BLTP3B: variants seen among roughly 807,000 people sequenced by gnomAD.
BLTP3B encodes the protein bridge-like lipid transfer protein family member 3B.
chr12:100,060,259 T>C, the BLTP3B span, among the ~76,000 whole-genome samples: 1 of 152,188 alleles, frequency 6.6e-6, no homozygotes, highest in African/African-American at 2.4e-5. Flanking sequence ...AATGTTTTAA[T>C]ATTTCAAAAT....
chr12:100,056,559 C>A, the BLTP3B span, among the ~76,000 whole-genome samples: 1 of 151,708 alleles, frequency 6.6e-6, no homozygotes, highest in African/African-American at 2.4e-5. Context: ...TAATTCAGGC[C>A]AGGCATGGTG....
At chr12:100,038,028 C>A in the BLTP3B span, among the ~76,000 whole-genome samples, 1 of 152,148 alleles carries the variant, frequency 6.6e-6, no homozygotes, top group Non-Finnish European at 1.5e-5. Flanking sequence ...TTTTCCTGGA[C>A]CTCTCTATGG....
the BLTP3B span, among the ~76,000 whole-genome samples, chr12:100,073,188 C>T: frequency 4.1e-4 from 62 of 152,066 alleles, 1 homozygote; most frequent in Non-Finnish European, 7.5e-4. Flanking sequence ...CTTCCCCGTA[C>T]GCTGTTTAAA....
At chr12:100,120,844 A>C in the BLTP3B span, among the ~76,000 whole-genome samples, 1 of 152,202 alleles carries the variant, frequency 6.6e-6, no homozygotes, top group African/African-American at 2.4e-5. Flanking sequence ...AGATTTATAC[A>C]CGAATGTTCA....
At chr12:100,106,501 T>C in the BLTP3B span, among the ~76,000 whole-genome samples, 8 of 152,148 alleles carry the variant, frequency 5.3e-5, no homozygotes, top group African/African-American at 1.9e-4. Context: ...TGAAGTAACA[T>C]GAATTGAAAA....
chr12:100,140,753 T>TATATATATATATATATATATATAA, the BLTP3B span, among the ~76,000 whole-genome samples: 1 of 106,960 alleles, frequency 9.3e-6, no homozygotes, highest in African/African-American at 3.8e-5. Context: ...TATATATATA[T>TATATATATATATATATATATATAA]AAAATAAAAT....
chr12:100,086,746 C>T, the BLTP3B span, among the ~76,000 whole-genome samples: 1 of 152,186 alleles, frequency 6.6e-6, no homozygotes, highest in South Asian at 2.1e-4. Context: ...TTATCCCCAT[C>T]TTCAAGATAA....
chr12:100,047,356 G>A, the BLTP3B span, among the ~76,000 whole-genome samples: 1 of 152,064 alleles, frequency 6.6e-6, no homozygotes, highest in African/African-American at 2.4e-5. Context: ...AAATTAACTG[G>A]GCGTGTTGAC....
the BLTP3B span, among the ~76,000 whole-genome samples, chr12:100,066,319 C>G: frequency 6.6e-6 from 1 of 152,134 alleles, no homozygotes; most frequent in Admixed American, 6.5e-5. Context: ...CAACAGTAAA[C>G]TATCACAATC....
chr12:100,094,178 G>A, the BLTP3B span, among the ~76,000 whole-genome samples: 2 of 152,150 alleles, frequency 1.3e-5, no homozygotes, highest in Non-Finnish European at 2.9e-5. Context: ...AAGTGCAGGG[G>A]TGCAATGGCT....
the BLTP3B span, chr12:100,058,159 T>A: frequency 1.9e-6 from 3 of 1,613,474 alleles, no homozygotes; most frequent in Non-Finnish European, 2.5e-6. Context: ...ATGGTTTCAT[T>A]TCCTTTACTA....
chr12:100,076,388 C>CTT, the BLTP3B span, among the ~76,000 whole-genome samples: 635 of 110,078 alleles, frequency 5.8e-3, 3 homozygotes, highest in Non-Finnish European at 7.1e-3. Context: ...CCTCAGCAAT[C>CTT]TTTTTTTTTT....
At chr12:100,058,284 T>C in the BLTP3B span, 2,050 of 1,613,872 alleles carry the variant, frequency 1.3e-3, 30 homozygotes, top group African/African-American at 0.025. Context: ...ATCCTTTTTG[T>C]CACTTGTTTC....
the BLTP3B span, among the ~76,000 whole-genome samples, chr12:100,045,476 G>A: frequency 6.6e-6 from 1 of 152,128 alleles, no homozygotes; most frequent in Non-Finnish European, 1.5e-5. Context: ...AAGCAATAGG[G>A]AAAGGATTCC....
chr12:100,102,203 G>A, the BLTP3B span, among the ~76,000 whole-genome samples: 13 of 150,516 alleles, frequency 8.6e-5, no homozygotes, highest in South Asian at 6.3e-4. Flanking sequence ...TCCGCCTCCC[G>A]GGTTCAAGCA....
chr12:100,126,204 G>A, the BLTP3B span, among the ~76,000 whole-genome samples: 2 of 152,212 alleles, frequency 1.3e-5, no homozygotes, highest in African/African-American at 4.8e-5. Context: ...GAATAAGGCA[G>A]AGAGAAGGAC....
At chr12:100,090,993 A>G in the BLTP3B span, among the ~76,000 whole-genome samples, 1 of 151,482 alleles carries the variant, frequency 6.6e-6, no homozygotes, top group African/African-American at 2.4e-5. Context: ...AAGAAAAAAA[A>G]TGGGCCACTA....
the BLTP3B span, among the ~76,000 whole-genome samples, chr12:100,063,066 G>T: frequency 6.6e-6 from 1 of 152,130 alleles, no homozygotes; most frequent in Non-Finnish European, 1.5e-5. Context: ...AAGGTGGCAG[G>T]CGGGAGGCAG....
the BLTP3B span, among the ~76,000 whole-genome samples, chr12:100,097,937 G>C: frequency 7.1e-4 from 108 of 152,262 alleles, no homozygotes; most frequent in Non-Finnish European, 1.2e-3. Context: ...ACAGAGAGCT[G>C]GGTGCAATGG....
Sources: allele counts gnomAD v4.1 joint callset (sites outside exome capture counted in the v4.1 genomes callset), GRCh38; gene constraint gnomAD v4.1.1; transcripts MANE v1.5; gene names NCBI Gene and HGNC (gene_info 2026-07-23, HGNC 2026-07-21).